MICU1: variants seen among roughly 807,000 people sequenced by gnomAD.
MICU1 encodes the protein calcium uptake protein 1, mitochondrial.
In MICU1, 45 loss-of-function variants were observed where a neutral mutation model predicts 56.8. The ratio of observed to expected loss-of-function variants is 0.79; its 90% CI spans 0.62 to 1.02. MICU1 has a LOEUF of 1.02. MICU1 is among the 50% of genes least tolerant of loss of function. MICU1 has a pLI of 0.00. For missense variants in MICU1, 504 were observed against 587.1 expected, an observed-to-expected ratio of 0.86 and a Z score of 1.46; for synonymous variants, 186 against 195.1, an observed-to-expected ratio of 0.95 and a Z score of 0.39.
chr10:72,528,664 T>G (rs1839390037), intron 5 of MICU1: 1 of 169,852 alleles, frequency 5.9e-6, no homozygotes, highest in Admixed American at 6.3e-5. Flanking sequence ...AATTTACATT[T>G]CCTCAATCTT....
chr10:72,549,091 T>C (rs1363404979), intron 4 of MICU1, among the ~76,000 whole-genome samples: 1 of 152,156 alleles, frequency 6.6e-6, no homozygotes, highest in East Asian at 1.9e-4. Flanking sequence ...GTGAATTTAA[T>C]AATGTGGGCA....
chr10:72,578,960 A>G (rs192422207), intron 1 of MICU1, among the ~76,000 whole-genome samples: 4 of 152,294 alleles, frequency 2.6e-5, no homozygotes, highest in East Asian at 3.9e-4. Context: ...TAGTATAAAC[A>G]TAACTTTTAT....
At chr10:72,489,141 C>T (rs1375382956) in intron 6 of MICU1, among the ~76,000 whole-genome samples, 1 of 151,800 alleles carries the variant, frequency 6.6e-6, no homozygotes, top group Non-Finnish European at 1.5e-5. Flanking sequence ...GATACAAAAA[C>T]TAGCTGGGCA....
rs544871154 is a variant in MICU1, at chr10:72,536,617, C to G, written c.494-2828G>C. ...CCGCCCGCCTCAGCCTCCCAAAGTG[C>G]TGGGATAAAAGGCGTGAGCCACCGT... On this transcript the variant is annotated intron_variant, in intron 4 of 11. Coordinates refer to ENST00000361114, the MANE Select transcript of MICU1 (RefSeq NM_001195518.2). Among the ~76,000 whole-genome samples, 146 of 152,136 alleles carry G rather than the reference C, an allele frequency of 9.6e-4. 1 individual carries two copies. Among genetic ancestry groups the G allele is most frequent in the African/African-American group, 3.1e-3 (128 of 41,516 alleles).
intron 3 of MICU1, among the ~76,000 whole-genome samples, chr10:72,558,502 CAGA>C (rs1017729376): frequency 3.3e-5 from 5 of 152,058 alleles, no homozygotes; most frequent in African/African-American, 1.2e-4. Flanking sequence ...TGAATAAAAC[CAGA>C]AGAAGCTACG....
chr10:72,474,258 C>CAAAAAAAAAAAAAAAAAA (rs55978543), intron 8 of MICU1, among the ~76,000 whole-genome samples: 11 of 60,732 alleles, frequency 1.8e-4, no homozygotes, highest in Admixed American at 5.9e-4. Context: ...AGGACTGTCT[C>CAAAAAAAAAAAAAAAAAA]AAAAAAAAAA....
intron 8 of MICU1, among the ~76,000 whole-genome samples, chr10:72,437,847 A>C (rs200155097): frequency 6.6e-6 from 1 of 151,872 alleles, no homozygotes; most frequent in Admixed American, 6.6e-5. Flanking sequence ...AGAAGAGCTA[A>C]CTATCCTAAA....
intron 9 of MICU1, 103 bp from the exon 10 acceptor site, chr10:72,408,140 T>C: frequency 3.0e-6 from 2 of 676,090 alleles, no homozygotes; most frequent in Non-Finnish European, 5.1e-6. Flanking sequence ...TTCATGCTCA[T>C]GTCTAGAACA....
chr10:72,379,698 GGAGGCCTCCAGCAAGAATGCCTC>G (rs1862639044), intron 10 of MICU1: 1 of 256,848 alleles, frequency 3.9e-6, no homozygotes, highest in Admixed American at 5.0e-5. Flanking sequence ...AGGGACTTCT[GGAGGCCTCCAGCAAGAATGCCTC>G]ATTACAGATG....
At chr10:72,598,613 T>C (rs749205152) in intron 1 of MICU1, among the ~76,000 whole-genome samples, 2 of 152,012 alleles carry the variant, frequency 1.3e-5, no homozygotes, top group Non-Finnish European at 2.9e-5. Context: ...CAATCAAATA[T>C]ACCCATAAAA....
At chr10:72,557,772 A>G (rs540293188) in intron 3 of MICU1, among the ~76,000 whole-genome samples, 4 of 152,328 alleles carry the variant, frequency 2.6e-5, no homozygotes, top group Admixed American at 1.3e-4. Flanking sequence ...ATGCATGCAT[A>G]TAAATATATA....
intron 1 of MICU1, among the ~76,000 whole-genome samples, chr10:72,578,732 C>T (rs977217450): frequency 7.9e-5 from 12 of 152,008 alleles, no homozygotes; most frequent in African/African-American, 2.7e-4. Flanking sequence ...CTCAGTCTCC[C>T]GAGTAGCTGG....
At chr10:72,472,460 T>C (rs957944397) in intron 8 of MICU1, among the ~76,000 whole-genome samples, 3 of 152,196 alleles carry the variant, frequency 2.0e-5, no homozygotes, top group Non-Finnish European at 4.4e-5. Context: ...GCACTTAACC[T>C]TTCCTGATAC....
intron 6 of MICU1, among the ~76,000 whole-genome samples, chr10:72,494,129 T>G (rs1833576697): frequency 6.6e-6 from 1 of 152,156 alleles, no homozygotes; most frequent in Non-Finnish European, 1.5e-5. Context: ...CTTTACCTCA[T>G]ACAGTTTTGG....
At chr10:72,385,859 C>G (rs1862870219) in intron 10 of MICU1, among the ~76,000 whole-genome samples, 1 of 152,194 alleles carries the variant, frequency 6.6e-6, no homozygotes, top group African/African-American at 2.4e-5. Context: ...GCGAGAGATT[C>G]TGTTGCTGGC....
chr10:72,563,022 CT>C lies in MICU1; in HGVS notation c.202del (p.Ser68ValfsTer44). 1 of 1,601,720 alleles carries C rather than the reference CT, an allele frequency of 6.2e-7. No individual in the cohort carries two copies. ...ATTCTTCCCTTTATCACCGATGTCACTTTTTAGGTTGTCTACACATGGTGGA... is the reference window on the plus strand; with the variant it reads ...ATTCTTCCCTTTATCACCGATGTCACTTTTAGGTTGTCTACACATGGTGGA... ...ESPPCVDNLK[S>X]DIGDKGKNKD... On this transcript the variant is annotated frameshift_variant, in exon 3 of 12. Coordinates refer to ENST00000361114, the MANE Select transcript of MICU1 (RefSeq NM_001195518.2). LOFTEE classifies it high-confidence loss of function.
At chr10:72,550,126 T>G (rs889016681) in intron 4 of MICU1, among the ~76,000 whole-genome samples, 1 of 152,158 alleles carries the variant, frequency 6.6e-6, no homozygotes, top group Non-Finnish European at 1.5e-5. Context: ...AACTATTTTA[T>G]TTTTAAAATA....
At chr10:72,528,207 T>G (rs1345302864) in intron 5 of MICU1, among the ~76,000 whole-genome samples, 1 of 152,212 alleles carries the variant, frequency 6.6e-6, no homozygotes. Context: ...GGCCCAGTCA[T>G]CATGCCCAAA....
At chr10:72,441,405 G>T (rs530034773) in intron 8 of MICU1, among the ~76,000 whole-genome samples, 1 of 151,406 alleles carries the variant, frequency 6.6e-6, no homozygotes, top group African/African-American at 2.4e-5. Context: ...GGGCCTGTTG[G>T]GGGGTGGGGG....
Sources: allele counts gnomAD v4.1 joint callset (sites outside exome capture counted in the v4.1 genomes callset), GRCh38; gene constraint gnomAD v4.1.1; transcripts MANE v1.5; gene names NCBI Gene and HGNC (gene_info 2026-07-23, HGNC 2026-07-21).